Variants in STX2 observed in about 807,000 individuals in gnomAD.
STX2 encodes syntaxin 2.
In STX2, 27 loss-of-function variants were observed where a neutral mutation model predicts 40.6. The observed-to-expected ratio is 0.66, with a 90% CI of 0.49 to 0.92. The LOEUF is 0.92. Ranked by LOEUF, STX2 falls within the 40% of genes least tolerant of loss-of-function variation. The probability of loss-of-function intolerance (pLI) is 0.00; values close to 1 mark genes in which losing one functional copy is unlikely to be tolerated. For missense variants in STX2, 328 were observed against 366.1 expected, an observed-to-expected ratio of 0.90 and a Z score of 0.85; for synonymous variants, 123 against 119.1, an observed-to-expected ratio of 1.03 and a Z score of -0.22.
chr12:130,795,712 C>G (rs1951008620), intron 10 of STX2, among the ~76,000 whole-genome samples: 1 of 152,180 alleles, frequency 6.6e-6, no homozygotes, highest in Non-Finnish European at 1.5e-5. Flanking sequence ...TGCATTCCAG[C>G]CTGGGTGACA....
intron 9 of STX2, among the ~76,000 whole-genome samples, chr12:130,796,437 G>T (rs1951030775): frequency 6.6e-6 from 1 of 152,130 alleles, no homozygotes. Flanking sequence ...AGAGAGCCAG[G>T]ATCGTGTCAC....
intron 3 of STX2, among the ~76,000 whole-genome samples, chr12:130,818,816 C>T (rs997504646): frequency 8.5e-5 from 13 of 152,244 alleles, no homozygotes; most frequent in African/African-American, 3.1e-4. Flanking sequence ...GCCAGGCTGA[C>T]GGCTGACTGC....
chr12:130,838,988 G>T (rs1196948979), intron 1 of STX2, 82 bp downstream of exon 1: 2 of 263,296 alleles, frequency 7.6e-6, no homozygotes, highest in East Asian at 1.4e-4. Context: ...CCGGAGCCCC[G>T]CCCAAGACGC....
At chr12:130,838,549 C>T (rs944799699) in intron 1 of STX2, among the ~76,000 whole-genome samples, 6 of 152,186 alleles carry the variant, frequency 3.9e-5, no homozygotes, top group African/African-American at 1.4e-4. Flanking sequence ...ATTTCACACC[C>T]ATCTGTTGCC....
At chr12:130,822,423 AAAG>A (rs1367901148) in intron 2 of STX2, among the ~76,000 whole-genome samples, 2 of 152,210 alleles carry the variant, frequency 1.3e-5, no homozygotes, top group Non-Finnish European at 2.9e-5. Context: ...CTCAAAAAAA[AAAG>A]AAGAAAATAA....
intron 1 of STX2, among the ~76,000 whole-genome samples, chr12:130,838,439 C>T (rs1952812437): frequency 1.3e-5 from 2 of 152,212 alleles, no homozygotes; most frequent in African/African-American, 4.8e-5. Flanking sequence ...TCAGAGTCAA[C>T]ACACGGTCCC....
chr12:130,812,709 TC>T (rs1304153220), intron 4 of STX2: 4 of 380,714 alleles, frequency 1.1e-5, no homozygotes, highest in Non-Finnish European at 1.9e-5. Flanking sequence ...GCCTGGCAAC[TC>T]ACCTTCCCAA....
At chr12:130,812,104 T>C (rs1276051433) in intron 4 of STX2, 8 of 241,712 alleles carry the variant, frequency 3.3e-5, no homozygotes, top group Admixed American at 1.6e-4. Context: ...AGAAAAATCA[T>C]GAAGGGAGAA....
intron 1 of STX2, among the ~76,000 whole-genome samples, chr12:130,831,073 G>A (rs1008185138): frequency 6.6e-6 from 1 of 152,222 alleles, no homozygotes; most frequent in Admixed American, 6.5e-5. Flanking sequence ...CTGGTTTAGA[G>A]ACTATTTAAC....
At chr12:130,806,659 T>C (rs1440572534) in intron 6 of STX2, among the ~76,000 whole-genome samples, 2 of 152,034 alleles carry the variant, frequency 1.3e-5, no homozygotes, top group African/African-American at 4.8e-5. Flanking sequence ...TGAGGAGCCA[T>C]GAAGATGCCC....
intron 6 of STX2, among the ~76,000 whole-genome samples, chr12:130,806,747 G>C (rs559436259): frequency 1.3e-5 from 2 of 152,186 alleles, no homozygotes; most frequent in African/African-American, 2.4e-5. Flanking sequence ...CAATCTCCCT[G>C]AAACTCTAAA....
At chr12:130,839,027 C>A (rs1440805947) in intron 1 of STX2, 43 bp downstream of exon 1, 2 of 1,320,842 alleles carry the variant, frequency 1.5e-6, no homozygotes, top group Non-Finnish European at 1.9e-6. Flanking sequence ...CTCCAGACGC[C>A]GCCCCGGCCG....
chr12:130,794,195 T>C (rs535394825), intron 10 of STX2, among the ~76,000 whole-genome samples: 3 of 152,328 alleles, frequency 2.0e-5, no homozygotes, highest in African/African-American at 2.4e-5. Flanking sequence ...CATGAAAATA[T>C]TGAAAAATAC....
intron 9 of STX2, among the ~76,000 whole-genome samples, chr12:130,798,081 C>G (rs113973991): frequency 2.6e-5 from 4 of 152,254 alleles, no homozygotes; most frequent in African/African-American, 9.6e-5. Flanking sequence ...AACCCTCTCT[C>G]TACTGAAAAT....
rs776442544 is a variant in STX2, at chr12:130,827,267, A to G, written c.31T>C (p.Cys11Arg). Residue 11 changes from cysteine to arginine, a missense_variant and splice_region_variant, in exon 2 of 11, where the codon TGT becomes CGT. Cys to Arg is a radical substitution (Grantham distance 180). Coordinates refer to ENST00000392373, the MANE Select transcript of STX2 (RefSeq NM_194356.4). The part of the protein sequence containing the change: MRDRLPDLTA[C>R]RKNDDGDTVV... ...GTGTCTCCATCATCATTCTTCCTACACTACAATGAAAAATGGAAAATTCAG... is the reference window on the plus strand; with the variant it reads ...GTGTCTCCATCATCATTCTTCCTACGCTACAATGAAAAATGGAAAATTCAG... 6.2e-7 allele frequency: 1 copy of G among 1,612,766 alleles called. No individual in the cohort carries two copies. Among genetic ancestry groups the G allele is most frequent in the African/African-American group, 1.3e-5 (1 of 74,884 alleles).
Position 130,821,799 on chromosome 12 carries a change from G to C in STX2, c.106-11C>G. ...TCTAATCTCCTCCACCTAGGAGAGA[G>C]AGAGAGTCATTACAGCATGGCAAAC... is the stretch of plus-strand genomic sequence containing the variant. On this transcript the variant is annotated splice_polypyrimidine_tract_variant and intron_variant, in intron 2 of 10. Transcript: ENST00000392373. 6.4e-7 allele frequency: 1 copy of C among 1,553,114 alleles called. No individual in the cohort carries two copies. The highest frequency in any genetic ancestry group is 1.1e-5 in the South Asian group (1 of 89,082).
chr12:130,807,572 G>A (rs569614636), intron 5 of STX2, among the ~76,000 whole-genome samples: 167 of 152,088 alleles, frequency 1.1e-3, no homozygotes, highest in Non-Finnish European at 1.7e-3. Flanking sequence ...CCAGGCAGGC[G>A]GACCCCAGAG....
intron 2 of STX2, among the ~76,000 whole-genome samples, chr12:130,823,478 G>A (rs762102913): frequency 7.9e-5 from 12 of 152,222 alleles, no homozygotes; most frequent in African/African-American, 2.4e-4. Context: ...TTATCTGGGT[G>A]GGCCCAACGT....
intron 1 of STX2, among the ~76,000 whole-genome samples, chr12:130,837,106 CT>C (rs71951784): frequency 0.028 from 3,954 of 139,670 alleles, 90 homozygotes; most frequent in African/African-American, 0.076. Context: ...TGACATTGAG[CT>C]TTTTTTTTTT....
Sources: gnomAD v4.1 joint callset for allele counts (sites outside exome capture counted in the v4.1 genomes callset) on GRCh38, gnomAD v4.1.1 for gene constraint, MANE v1.5 for transcripts, NCBI Gene and HGNC (gene_info 2026-07-23, HGNC 2026-07-21) for gene names.